EBF1: variants seen among roughly 807,000 people sequenced by gnomAD.
EBF1 encodes transcription factor COE1.
In EBF1, 10 loss-of-function variants were observed where a neutral mutation model predicts 68.4. The ratio of observed to expected loss-of-function variants is 0.15; its 90% CI spans 0.09 to 0.25. The LOEUF (loss-of-function observed/expected upper bound fraction) is 0.25, where lower values mean the gene tolerates loss of function less well. Among genes scored for constraint, EBF1 ranks in the 10% least tolerant of loss-of-function variants. The pLI is 1.00. For missense variants in EBF1, 509 were observed against 794.4 expected (o/e 0.64, Z 4.32); for synonymous variants, 298 against 299.8 (o/e 0.99, Z 0.06).
chr5:158,738,072 C>T (rs1422093964), intron 10 of EBF1, among the ~76,000 whole-genome samples: 1 of 152,050 alleles, frequency 6.6e-6, no homozygotes, highest in Non-Finnish European at 1.5e-5. Context: ...CATAATATCC[C>T]CATTCATGTA....
intron 6 of EBF1, chr5:158,983,274 T>C (rs1357696444): frequency 1.3e-5 from 2 of 152,170 alleles, no homozygotes; most frequent in East Asian, 3.9e-4. Flanking sequence ...CAAGGAAGTA[T>C]GTAGGGGTTT....
chr5:159,009,792 A>C (rs2127674977), intron 6 of EBF1, among the ~76,000 whole-genome samples: 1 of 152,122 alleles, frequency 6.6e-6, no homozygotes, highest in South Asian at 2.1e-4. Context: ...AAAAAGCAAA[A>C]ATAAATTAAA....
chr5:159,096,878 T>G, intron 2 of EBF1, 96 bp downstream of exon 2: 15 of 1,457,118 alleles, frequency 1.0e-5, no homozygotes, highest in Non-Finnish European at 1.4e-5. Context: ...GTGTTATGGA[T>G]GCTTTGCACT....
At chr5:158,963,680 T>A (rs547082331) in intron 6 of EBF1, among the ~76,000 whole-genome samples, 1 of 152,282 alleles carries the variant, frequency 6.6e-6, no homozygotes, top group Admixed American at 6.5e-5. Context: ...ACAAAGATAT[T>A]AAATCGAAAC....
At chr5:158,722,753 G>T (rs1248470510) in intron 11 of EBF1, among the ~76,000 whole-genome samples, 1 of 152,144 alleles carries the variant, frequency 6.6e-6, no homozygotes, top group Non-Finnish European at 1.5e-5. Context: ...ACTGCTTCAA[G>T]ACTGTTGGGG....
chr5:158,749,631 A>C (rs1407165852), intron 10 of EBF1, among the ~76,000 whole-genome samples: 1 of 152,160 alleles, frequency 6.6e-6, no homozygotes, highest in Non-Finnish European at 1.5e-5. Flanking sequence ...GTTGTGACAT[A>C]AGTCAATAAG....
intron 14 of EBF1, among the ~76,000 whole-genome samples, chr5:158,708,608 A>G (rs1418995356): frequency 1.3e-5 from 2 of 152,242 alleles, no homozygotes; most frequent in East Asian, 3.9e-4. Context: ...AGAGTAGCAC[A>G]AAACAGTGAG....
intron 6 of EBF1, chr5:159,019,020 A>G (rs1766149388): frequency 6.6e-6 from 1 of 152,228 alleles, no homozygotes; most frequent in African/African-American, 2.4e-5. Flanking sequence ...TCCCTTTGCT[A>G]CAAACATGCC....
chr5:158,735,354 C>T (rs1764960175), intron 10 of EBF1, among the ~76,000 whole-genome samples: 1 of 152,124 alleles, frequency 6.6e-6, no homozygotes. Context: ...TGTTGAGGGG[C>T]CACAGCAATT....
rs567365246 is a variant in EBF1, at chr5:158,968,190, G to A, written c.554+105206C>T. Among the ~76,000 whole-genome samples the A allele has an allele frequency of 2.4e-3, 367 of 152,146 alleles. 2 individuals are homozygous for A. Among genetic ancestry groups the A allele is most frequent in the African/African-American group, 8.1e-3 (337 of 41,506 alleles). On this transcript the variant is annotated intron_variant, in intron 6 of 15. Transcript: ENST00000313708. ...CCAAGAAGAGTTAATCAAGCATAGC[G>A]GCTTCCTAATCAGAACAGTGAACTA...
At position 158,915,744 on chromosome 5, in the gene EBF1, G is replaced by T. The variant is rs976021150; in HGVS notation, c.555-75634C>A. On this transcript the variant is annotated intron_variant, in intron 6 of 15. Coordinates refer to ENST00000313708, the MANE Select transcript of EBF1 (RefSeq NM_024007.5). ...GAGAATTCTGGCACTCTTGGTTGTT[G>T]TCGTTAATGAAGATGAAGACATAGT... Among the ~76,000 whole-genome samples the T allele has an allele frequency of 1.3e-5, 2 of 152,184 alleles. 1 individual carries two copies. The highest frequency in any genetic ancestry group is 1.3e-4 in the Admixed American group (2 of 15,280).
chr5:159,066,510 T>A (rs1421716215), intron 6 of EBF1, among the ~76,000 whole-genome samples: 4 of 151,856 alleles, frequency 2.6e-5, no homozygotes, highest in African/African-American at 9.7e-5. Flanking sequence ...TTCCCCAGAA[T>A]CAGTTTAATT....
In EBF1 at chr5:159,050,152, TTCTCTCTC is replaced by T. The variant is rs148912326; in HGVS notation, c.554+23236_554+23243del. Among the ~76,000 whole-genome samples the T allele has an allele frequency of 4.7e-3, 631 of 135,642 alleles. 5 individuals are homozygous for T. Among genetic ancestry groups the T allele is most frequent in the African/African-American group, 0.013 (467 of 35,608 alleles). The allele number at this position is 135,642 out of a possible 152,430, so 89.0% of individuals were successfully genotyped here. On this transcript the variant is annotated intron_variant, in intron 6 of 15. Coordinates refer to ENST00000313708, the MANE Select transcript of EBF1 (RefSeq NM_024007.5). Reference sequence around the variant, plus strand: ...AAGTAAACAAGAGGTTCGTTTCTCTTTCTCTCTCTCTCTCTCTCTCTCTCTCTCTTCTC... The same window carrying T: ...AAGTAAACAAGAGGTTCGTTTCTCTTTCTCTCTCTCTCTCTCTCTCTTCTC...
chr5:158,851,917 GA>G, intron 6 of EBF1, among the ~76,000 whole-genome samples: 1 of 300 alleles, frequency 3.3e-3, no homozygotes, highest in Non-Finnish European at 7.4e-3. Flanking sequence ...GAGGAGAGGG[GA>G]AGGGAAGGGT....
intron 6 of EBF1, among the ~76,000 whole-genome samples, chr5:159,012,918 G>A (rs1764956794): frequency 6.6e-6 from 1 of 152,166 alleles, no homozygotes; most frequent in Non-Finnish European, 1.5e-5. Context: ...CATGCCCAGG[G>A]GAAGACCATG....
chr5:159,073,259 C>T (rs1778150171), intron 6 of EBF1, 137 bp downstream of exon 6: 2 of 818,682 alleles, frequency 2.4e-6, no homozygotes, highest in African/African-American at 1.7e-5. Context: ...ATCAAAATCG[C>T]TCAGCACAGC....
chr5:158,879,333 G>T (rs1219670274), intron 6 of EBF1, among the ~76,000 whole-genome samples: 1 of 152,200 alleles, frequency 6.6e-6, no homozygotes, highest in Non-Finnish European at 1.5e-5. Context: ...GCTCAAGGAA[G>T]AGAGTACATG....
intron 7 of EBF1, among the ~76,000 whole-genome samples, chr5:158,826,491 A>G (rs948630504): frequency 3.3e-5 from 5 of 152,230 alleles, no homozygotes; most frequent in African/African-American, 1.2e-4. Flanking sequence ...GCACTGCTCT[A>G]GAATGGTTTT....
intron 9 of EBF1, among the ~76,000 whole-genome samples, chr5:158,790,120 G>T (rs142172339): frequency 6.6e-6 from 1 of 152,168 alleles, no homozygotes; most frequent in African/African-American, 2.4e-5. Flanking sequence ...TAAAGACAAC[G>T]AGGAGAACCT....
Sources: gnomAD v4.1 joint callset for allele counts (sites outside exome capture counted in the v4.1 genomes callset) on GRCh38, gnomAD v4.1.1 for gene constraint, MANE v1.5 for transcripts, NCBI Gene and HGNC (gene_info 2026-07-23, HGNC 2026-07-21) for gene names.